Variants in RNF111 observed in about 807,000 individuals in gnomAD.
RNF111 encodes E3 ubiquitin-protein ligase Arkadia.
In RNF111, 17 loss-of-function variants were observed where a neutral mutation model predicts 95.1. The observed-to-expected ratio is 0.18, with a 90% CI of 0.12 to 0.27. The LOEUF is 0.27. Among genes scored for constraint, RNF111 ranks in the 10% least tolerant of loss-of-function variants. The probability of loss-of-function intolerance (pLI) is 1.00; values close to 1 mark genes in which losing one functional copy is unlikely to be tolerated. For missense variants in RNF111, 1,189 were observed against 1,210.4 expected, an observed-to-expected ratio of 0.98 and a Z score of 0.26; for synonymous variants, 440 against 414.8, an observed-to-expected ratio of 1.06 and a Z score of -0.74.
At chr15:59,069,401 C>A (rs1481594109) in intron 6 of RNF111, among the ~76,000 whole-genome samples, 4 of 152,092 alleles carry the variant, frequency 2.6e-5, no homozygotes, top group Non-Finnish European at 5.9e-5. Context: ...TTCCTACATT[C>A]ATTAAAGAGC....
At chr15:59,084,506 T>C (rs1285516565) in intron 9 of RNF111, 1 of 318,658 alleles carries the variant, frequency 3.1e-6, no homozygotes, top group Non-Finnish European at 5.7e-6. Context: ...AAATAATAAT[T>C]GTATATATTT....
chr15:59,079,950 C>G (rs1206835373), intron 7 of RNF111, among the ~76,000 whole-genome samples: 1 of 151,860 alleles, frequency 6.6e-6, no homozygotes, highest in Admixed American at 6.6e-5. Context: ...ATAATACTTA[C>G]AAGTCAATAA....
chr15:59,005,357 A>G (rs964252029), intron 1 of RNF111, among the ~76,000 whole-genome samples: 13 of 152,322 alleles, frequency 8.5e-5, no homozygotes, highest in Admixed American at 8.5e-4. Flanking sequence ...TCCAGATTAC[A>G]TATTTTGACT....
intron 1 of RNF111, among the ~76,000 whole-genome samples, chr15:59,010,884 A>C (rs1205819859): frequency 6.6e-6 from 1 of 152,146 alleles, no homozygotes; most frequent in Non-Finnish European, 1.5e-5. Context: ...CCTGTTATTT[A>C]ATTGGAATGA....
rs1186231484 is a variant in RNF111 at position 59,097,048 on chromosome 15, G to A, written c.*2148G>A. The A allele has an allele frequency of 6.6e-6, 1 of 152,148 alleles. No individual in the cohort carries two copies. The highest frequency in any genetic ancestry group is 2.4e-5 in the African/African-American group (1 of 41,424). 9.4% of individuals were successfully genotyped at this position (152,148 alleles called of 1,614,324 possible). ...AAATTTATTTAATAAAAGTATTTGT[G>A]ACATAAACCTGAATTGTTAATATAG... On this transcript the variant is annotated 3_prime_UTR_variant, in exon 14 of 14. Coordinates refer to ENST00000348370, the MANE Select transcript of RNF111 (RefSeq NM_017610.8).
chr15:59,082,464 A>G (rs1267835084), intron 8 of RNF111, among the ~76,000 whole-genome samples: 1 of 152,258 alleles, frequency 6.6e-6, no homozygotes, highest in African/African-American at 2.4e-5. Context: ...CAGTGAAAAT[A>G]TTGTACTTCA....
At chr15:59,061,409 T>C (rs1304469583) in intron 5 of RNF111, among the ~76,000 whole-genome samples, 3 of 152,236 alleles carry the variant, frequency 2.0e-5, no homozygotes, top group Non-Finnish European at 2.9e-5. Flanking sequence ...TGGTTTCGAA[T>C]CCTGGGCTTT....
intron 2 of RNF111, among the ~76,000 whole-genome samples, chr15:59,041,280 G>A (rs1231800681): frequency 6.6e-6 from 1 of 151,932 alleles, no homozygotes; most frequent in Non-Finnish European, 1.5e-5. Context: ...TCTTGACCCC[G>A]TGCAGTGGCT....
intron 2 of RNF111, among the ~76,000 whole-genome samples, chr15:59,051,909 A>G (rs2042004199): frequency 6.6e-6 from 1 of 152,182 alleles, no homozygotes; most frequent in South Asian, 2.1e-4. Context: ...TGGAAAAAAC[A>G]TAAAGCTATT....
At chr15:58,990,496 A>G (rs1466116272) in intron 1 of RNF111, among the ~76,000 whole-genome samples, 2 of 152,154 alleles carry the variant, frequency 1.3e-5, no homozygotes, top group Non-Finnish European at 2.9e-5. Flanking sequence ...TGAAAATACA[A>G]AAAATTAGCC....
chr15:59,008,398 T>C (rs1287840134), intron 1 of RNF111, among the ~76,000 whole-genome samples: 1 of 152,012 alleles, frequency 6.6e-6, no homozygotes, highest in Non-Finnish European at 1.5e-5. Flanking sequence ...TAAAATTTTT[T>C]TGTAGAGACA....
At chr15:59,074,928 G>A (rs892515718) in intron 6 of RNF111, among the ~76,000 whole-genome samples, 1 of 152,314 alleles carries the variant, frequency 6.6e-6, no homozygotes, top group South Asian at 2.1e-4. Flanking sequence ...TAATTTCAAT[G>A]TTGTTGTGTC....
chr15:59,073,258 TGCGGTCA>T (rs2043019553), intron 6 of RNF111, among the ~76,000 whole-genome samples: 1 of 152,116 alleles, frequency 6.6e-6, no homozygotes, highest in African/African-American at 2.4e-5. Flanking sequence ...GCAGATCACT[TGCGGTCA>T]GCAGTTCAAG....
chr15:59,051,457 C>CA (rs756009553), intron 2 of RNF111, among the ~76,000 whole-genome samples: 11,432 of 96,034 alleles, frequency 0.12, 859 homozygotes, highest in African/African-American at 0.24. Context: ...GACTCTGTCT[C>CA]AAAAAAAAAA....
chr15:59,025,075 A>T (rs1426578768), intron 1 of RNF111, among the ~76,000 whole-genome samples: 1 of 152,204 alleles, frequency 6.6e-6, no homozygotes, highest in African/African-American at 2.4e-5. Flanking sequence ...ACTTCAGTGG[A>T]CACTTGAGAT....
rs548413126 is a variant in RNF111 at position 59,016,154 on chromosome 15, A to T, written c.-19-14650A>T. The stretch of plus-strand genomic sequence containing the variant: ...TCCTGGCCAATTTTGGTTAAAAAAT[A>T]TATATATGTATATATATATAGTTTT... On this transcript the variant is annotated intron_variant, in intron 1 of 13. Transcript: ENST00000348370. Among the ~76,000 whole-genome samples, 342 of 149,868 alleles carry T rather than the reference A, an allele frequency of 2.3e-3. 4 individuals carry two copies. Among genetic ancestry groups the T allele is most frequent in the African/African-American group, 7.8e-3 (321 of 41,000 alleles).
chr15:59,026,478 T>A (rs1340280086), intron 1 of RNF111, among the ~76,000 whole-genome samples: 1 of 152,228 alleles, frequency 6.6e-6, no homozygotes, highest in Admixed American at 6.5e-5. Flanking sequence ...CAGCAAGCCA[T>A]TTATAATGTC....
At chr15:59,041,261 A>C (rs2041435720) in intron 2 of RNF111, among the ~76,000 whole-genome samples, 1 of 152,098 alleles carries the variant, frequency 6.6e-6, no homozygotes, top group Non-Finnish European at 1.5e-5. Flanking sequence ...CACTGCAATA[A>C]ATAGCTTTTC....
chr15:59,091,722 C>T (rs568335077), intron 12 of RNF111, among the ~76,000 whole-genome samples: 44 of 152,284 alleles, frequency 2.9e-4, no homozygotes, highest in African/African-American at 1.1e-3. Flanking sequence ...CAACGGTCCC[C>T]AACCTTTTTG....
Sources: gnomAD v4.1 joint callset for allele counts (sites outside exome capture counted in the v4.1 genomes callset) on GRCh38, gnomAD v4.1.1 for gene constraint, MANE v1.5 for transcripts, NCBI Gene and HGNC (gene_info 2026-07-23, HGNC 2026-07-21) for gene names.